TACR3: variants seen among roughly 807,000 people sequenced by gnomAD.
The protein encoded by TACR3 is neuromedin-K receptor.
Under a neutral mutation model 35.0 loss-of-function variants are expected in TACR3, and 34 were observed. The ratio of observed to expected loss-of-function variants is 0.97; its 90% CI spans 0.74 to 1.30. TACR3 has a LOEUF of 1.30. Ranked by LOEUF, TACR3 falls within the 50% of genes most tolerant of loss-of-function variation. The pLI is 0.00. For missense variants in TACR3, 558 were observed against 591.7 expected (o/e 0.94, Z 0.59); for synonymous variants, 233 against 221.1 (o/e 1.05, Z -0.48).
At chr4:103,645,041 A>C (rs1725430903) in intron 3 of TACR3, among the ~76,000 whole-genome samples, 1 of 151,898 alleles carries the variant, frequency 6.6e-6, no homozygotes, top group African/African-American at 2.4e-5. Context: ...AAGTACATAA[A>C]GATAAATAAA....
intron 1 of TACR3, among the ~76,000 whole-genome samples, chr4:103,706,807 C>T (rs140137896): frequency 2.2e-4 from 33 of 152,162 alleles, no homozygotes; most frequent in South Asian, 6.2e-4. Flanking sequence ...CTGGGAAGGA[C>T]GATGAATCAG....
At chr4:103,689,005 T>A (rs1384695175) in intron 1 of TACR3, among the ~76,000 whole-genome samples, 1 of 151,880 alleles carries the variant, frequency 6.6e-6, no homozygotes, top group Admixed American at 6.6e-5. Flanking sequence ...AACACAAATG[T>A]CCAACAACGA....
In TACR3 at chr4:103,603,564, G is replaced by A. The variant is rs554743006; in HGVS notation, c.889-11881C>T. Reference sequence around the variant, plus strand: ...ATATGTGCCATATTTTCTTTATCCAGTCTATCATTGATGGGCATTTGGGTT... The same window carrying A: ...ATATGTGCCATATTTTCTTTATCCAATCTATCATTGATGGGCATTTGGGTT... On this transcript the variant is annotated intron_variant, in intron 3 of 4. Coordinates refer to ENST00000304883, the MANE Select transcript of TACR3 (RefSeq NM_001059.3). Among the ~76,000 whole-genome samples the A allele has an allele frequency of 2.0e-5, 3 of 152,296 alleles. No homozygotes were observed. The South Asian group carries it at 6.2e-4, about 32-fold the overall frequency.
chr4:103,653,411 C>T (rs1263633574), intron 3 of TACR3, among the ~76,000 whole-genome samples: 1 of 151,790 alleles, frequency 6.6e-6, no homozygotes, highest in Non-Finnish European at 1.5e-5. Flanking sequence ...TCTAGAAAAA[C>T]ATTACATGCA....
intron 3 of TACR3, chr4:103,624,683 T>C (rs1724105124): frequency 6.6e-6 from 1 of 152,212 alleles, no homozygotes; most frequent in South Asian, 2.1e-4. Context: ...CAGCATGTAA[T>C]TGGAATTACA....
intron 3 of TACR3, among the ~76,000 whole-genome samples, chr4:103,599,776 G>A (rs1280747007): frequency 9.9e-5 from 15 of 152,114 alleles, no homozygotes; most frequent in South Asian, 4.1e-4. Context: ...TGCGTATGTC[G>A]AACCAGCCTT....
rs141191562 is a variant in TACR3, at chr4:103,586,640, C to T, written c.*3042G>A. On this transcript the variant is annotated 3_prime_UTR_variant, in exon 5 of 5. Transcript: ENST00000304883. Reference sequence around the variant, plus strand: ...GTTCACTCTGAAATTGCTCAGTTCACTGTTTCTAAGACATTGGCAGGATTT... The same window carrying T: ...GTTCACTCTGAAATTGCTCAGTTCATTGTTTCTAAGACATTGGCAGGATTT... 6.6e-6 allele frequency: 1 copy of T among 152,146 alleles called. No homozygotes were observed. Among genetic ancestry groups the T allele is most frequent in the Non-Finnish European group, 1.5e-5 (1 of 67,996 alleles). 9.4% of individuals were successfully genotyped at this position (152,146 alleles called of 1,614,324 possible).
At chr4:103,595,888 T>G (rs1723995734) in intron 3 of TACR3, among the ~76,000 whole-genome samples, 1 of 141,128 alleles carries the variant, frequency 7.1e-6, no homozygotes, top group Non-Finnish European at 1.5e-5. Flanking sequence ...CTCCCAATGC[T>G]ATCCCTCCCC....
At position 103,719,955 on chromosome 4, in the gene TACR3, G is replaced by A. The variant is rs957666015; in HGVS notation, c.-280C>T. ...TCGAGTCACATCACACGTAGGGAGG[G>A]TGCCAGCTGCCCGGCACAGGCTGGA... On this transcript the variant is annotated 5_prime_UTR_variant, in exon 1 of 5. Coordinates refer to ENST00000304883, the MANE Select transcript of TACR3 (RefSeq NM_001059.3). The A allele has an allele frequency of 3.7e-6, 2 of 541,584 alleles. No homozygotes were observed. Among genetic ancestry groups the A allele is most frequent in the African/African-American group, 1.9e-5 (1 of 52,972 alleles). 33.5% of individuals were successfully genotyped at this position (541,584 alleles called of 1,614,324 possible).
chr4:103,711,909 A>G (rs1021954413), intron 1 of TACR3, among the ~76,000 whole-genome samples: 15 of 152,204 alleles, frequency 9.9e-5, no homozygotes, highest in African/African-American at 3.1e-4. Flanking sequence ...TTCAAAGAGA[A>G]TAAAATACCT....
intron 3 of TACR3, among the ~76,000 whole-genome samples, chr4:103,599,838 G>T (rs1386543667): frequency 2.6e-5 from 4 of 152,106 alleles, no homozygotes; most frequent in Non-Finnish European, 4.4e-5. Context: ...TTTTTGATGT[G>T]CTGCTGGATT....
chr4:103,605,086 C>CT (rs368066887), intron 3 of TACR3, among the ~76,000 whole-genome samples: 4,904 of 148,942 alleles, frequency 0.033, 301 homozygotes, highest in African/African-American at 0.12. Context: ...TGGTGTTTGG[C>CT]TTTTTTTTGC....
intron 3 of TACR3, among the ~76,000 whole-genome samples, chr4:103,592,081 T>C (rs541110687): frequency 2.1e-4 from 32 of 152,190 alleles, no homozygotes; most frequent in Non-Finnish European, 4.4e-4. Flanking sequence ...TAAGTCACTA[T>C]GGAGGTTTAC....
intron 3 of TACR3, among the ~76,000 whole-genome samples, chr4:103,643,022 T>C (rs1725388420): frequency 6.6e-6 from 1 of 151,864 alleles, no homozygotes; most frequent in African/African-American, 2.4e-5. Context: ...TTTCTGATTG[T>C]ATTCATGTCT....
At chr4:103,650,816 AT>A (rs1249295886) in intron 3 of TACR3, among the ~76,000 whole-genome samples, 17,276 of 23,022 alleles carry the variant, frequency 0.75, 8,354 homozygotes, top group East Asian at 0.98. Context: ...ATAATAATAT[AT>A]TATATAATAA....
At chr4:103,687,566 A>G (rs1722279441) in intron 1 of TACR3, among the ~76,000 whole-genome samples, 1 of 152,112 alleles carries the variant, frequency 6.6e-6, no homozygotes, top group Admixed American at 6.6e-5. Flanking sequence ...ATACAAAATC[A>G]ATGTACAAAA....
intron 3 of TACR3, among the ~76,000 whole-genome samples, chr4:103,610,868 C>T (rs777351860): frequency 6.6e-5 from 10 of 152,086 alleles, no homozygotes; most frequent in Admixed American, 2.0e-4. Context: ...TTCCTAGCCC[C>T]ATTTAGGGGC....
chr4:103,695,711 C>CTGTGTGTGTGTGTG (rs10603685), intron 1 of TACR3, among the ~76,000 whole-genome samples: 1 of 146,094 alleles, frequency 6.8e-6, no homozygotes, highest in African/African-American at 2.5e-5. Flanking sequence ...GTCTCTCTCT[C>CTGTGTGTGTGTGTG]TGTGTGTGTG....
intron 3 of TACR3, among the ~76,000 whole-genome samples, chr4:103,637,353 A>G (rs905043259): frequency 5.3e-5 from 8 of 152,184 alleles, no homozygotes; most frequent in African/African-American, 1.9e-4. Context: ...GATTATCTCA[A>G]TAGATGCAGG....
Sources: allele counts gnomAD v4.1 joint callset (sites outside exome capture counted in the v4.1 genomes callset), GRCh38; gene constraint gnomAD v4.1.1; transcripts MANE v1.5; gene names NCBI Gene and HGNC (gene_info 2026-07-23, HGNC 2026-07-21).